GALNT17: variants seen among roughly 807,000 people sequenced by gnomAD.
GALNT17 encodes the protein UDP-GalNAc:polypeptide N-acetylgalactosaminyltransferase-like 3.
GALNT17 carries 29 observed loss-of-function variants against 63.7 expected under a neutral mutation model. The ratio of observed to expected loss-of-function variants is 0.46; its 90% CI spans 0.34 to 0.62. GALNT17 has a LOEUF of 0.62. Among genes scored for constraint, GALNT17 ranks in the 20% least tolerant of loss-of-function variants. The pLI, the probability that GALNT17 is intolerant of heterozygous loss-of-function variation, is 0.01. For missense variants in GALNT17, 603 were observed against 799.6 expected, an observed-to-expected ratio of 0.75 and a Z score of 2.97; for synonymous variants, 305 against 318.3, an observed-to-expected ratio of 0.96 and a Z score of 0.45.
At chr7:71,669,469 C>T (rs755971353) in intron 7 of GALNT17, among the ~76,000 whole-genome samples, 3 of 151,930 alleles carry the variant, frequency 2.0e-5, no homozygotes, top group Non-Finnish European at 2.9e-5. Context: ...TGAGATCGTG[C>T]CACTGCATTC....
intron 1 of GALNT17, among the ~76,000 whole-genome samples, chr7:71,190,695 G>C (rs1045988098): frequency 6.6e-6 from 1 of 152,126 alleles, no homozygotes; most frequent in Non-Finnish European, 1.5e-5. Context: ...GCAGTGGTGT[G>C]ATCATGGTTC....
chr7:71,602,595 T>C (rs1461044506), intron 6 of GALNT17, among the ~76,000 whole-genome samples: 1 of 152,176 alleles, frequency 6.6e-6, no homozygotes, highest in African/African-American at 2.4e-5. Flanking sequence ...CTGCACCCTC[T>C]CTCTCTCTCC....
At chr7:71,211,804 T>C (rs988908604) in intron 1 of GALNT17, among the ~76,000 whole-genome samples, 2 of 152,160 alleles carry the variant, frequency 1.3e-5, no homozygotes, top group African/African-American at 2.4e-5. Context: ...GCCCTCAAGA[T>C]ATGTGGAACT....
intron 3 of GALNT17, among the ~76,000 whole-genome samples, chr7:71,400,811 A>G (rs570311939): frequency 3.3e-5 from 5 of 152,324 alleles, no homozygotes; most frequent in Non-Finnish European, 5.9e-5. Context: ...TATAAAGAGG[A>G]GGCAGGAGTC....
intron 3 of GALNT17, among the ~76,000 whole-genome samples, chr7:71,392,221 A>G (rs754552135): frequency 2.0e-5 from 3 of 152,176 alleles, no homozygotes; most frequent in African/African-American, 4.8e-5. Flanking sequence ...CAAGAGTGCA[A>G]GTAGTTTATT....
chr7:71,407,376 A>G (rs1349735033), intron 3 of GALNT17, among the ~76,000 whole-genome samples: 3 of 152,176 alleles, frequency 2.0e-5, no homozygotes, highest in Admixed American at 6.5e-5. Flanking sequence ...CAGTCCATCA[A>G]TTACCAGCAT....
intron 1 of GALNT17, among the ~76,000 whole-genome samples, chr7:71,183,054 G>A (rs1025524221): frequency 2.0e-5 from 3 of 152,170 alleles, no homozygotes; most frequent in Admixed American, 6.6e-5. Context: ...GCGGAGTTTT[G>A]TGATTCTTTG....
chr7:71,526,325 A>G (rs1421289681), intron 5 of GALNT17, among the ~76,000 whole-genome samples: 2 of 152,022 alleles, frequency 1.3e-5, no homozygotes, highest in Admixed American at 1.3e-4. Context: ...TCCAGAATCC[A>G]CAGCCAATTC....
intron 9 of GALNT17, among the ~76,000 whole-genome samples, chr7:71,701,828 CACATATATATATGTGTATATATATAT>C (rs1791643712): frequency 0.035 from 350 of 9,918 alleles, 8 homozygotes; most frequent in East Asian, 0.3. Context: ...CATATATATA[CACATATATATATGTGTATATATATAT>C]ACACATATAT....
intron 4 of GALNT17, among the ~76,000 whole-genome samples, chr7:71,417,887 T>G (rs1786568597): frequency 6.6e-6 from 1 of 152,200 alleles, no homozygotes; most frequent in Admixed American, 6.5e-5. Flanking sequence ...CAGCCAGTTT[T>G]GTCTGCCATT....
chr7:71,629,118 A>G (rs897435318), intron 6 of GALNT17, among the ~76,000 whole-genome samples: 3 of 152,076 alleles, frequency 2.0e-5, no homozygotes, highest in East Asian at 3.9e-4. Context: ...AGAAGGAAAG[A>G]TTGTTTCAGA....
intron 6 of GALNT17, among the ~76,000 whole-genome samples, chr7:71,596,513 G>C (rs1789889316): frequency 6.6e-6 from 1 of 152,030 alleles, no homozygotes; most frequent in Non-Finnish European, 1.5e-5. Flanking sequence ...ACTGCCTTAG[G>C]AGAAGTCAGG....
chr7:71,360,023 A>G (rs1027123582), intron 2 of GALNT17, among the ~76,000 whole-genome samples: 2 of 152,166 alleles, frequency 1.3e-5, no homozygotes, highest in African/African-American at 4.8e-5. Context: ...ATCAGTGTAG[A>G]CAGCTACATT....
chr7:71,363,130 C>A (rs1792437838), intron 2 of GALNT17, among the ~76,000 whole-genome samples: 2 of 152,004 alleles, frequency 1.3e-5, no homozygotes, highest in African/African-American at 4.8e-5. Flanking sequence ...CGATGCCTGG[C>A]TAATTTTTGT....
At chr7:71,277,097 C>T (rs967816121) in intron 1 of GALNT17, among the ~76,000 whole-genome samples, 2 of 152,146 alleles carry the variant, frequency 1.3e-5, no homozygotes, top group East Asian at 3.8e-4. Flanking sequence ...CCTAAGTGTG[C>T]ATCAGTGGTG....
At position 71,450,931 on chromosome 7, in the gene GALNT17, CTT is replaced by C. The variant is rs5884839; in HGVS notation, c.962+29837_962+29838del. On this transcript the variant is annotated intron_variant, in intron 5 of 10. Coordinates refer to ENST00000333538, the MANE Select transcript of GALNT17 (RefSeq NM_022479.3). Reference sequence around the variant, plus strand: ...GCATGGCGTTTTTCTTTTTTTTATTCTTTTTTTTTTTTATTATACTCTAAGTT... The same window carrying C: ...GCATGGCGTTTTTCTTTTTTTTATTCTTTTTTTTTTATTATACTCTAAGTT... Among the ~76,000 whole-genome samples the C allele has an allele frequency of 8.7e-3, 1,278 of 147,358 alleles. 13 individuals carry two copies. Among genetic ancestry groups the C allele is most frequent in the African/African-American group, 0.028 (1,108 of 40,268 alleles).
chr7:71,258,995 A>G (rs1459813183), intron 1 of GALNT17, among the ~76,000 whole-genome samples: 1 of 152,118 alleles, frequency 6.6e-6, no homozygotes, highest in Non-Finnish European at 1.5e-5. Flanking sequence ...GTATGTGTAT[A>G]TGGGGGATGA....
chr7:71,395,814 G>A (rs894331541), intron 3 of GALNT17, among the ~76,000 whole-genome samples: 1 of 152,218 alleles, frequency 6.6e-6, no homozygotes, highest in East Asian at 1.9e-4. Flanking sequence ...GTGGTATCTT[G>A]TAGTTTGGAT....
At chr7:71,533,601 C>A (rs966766936) in intron 5 of GALNT17, among the ~76,000 whole-genome samples, 1 of 152,118 alleles carries the variant, frequency 6.6e-6, no homozygotes, top group Non-Finnish European at 1.5e-5. Context: ...TGGAATAAGG[C>A]GGCATTATCT....
Sources: gnomAD v4.1 joint callset for allele counts (sites outside exome capture counted in the v4.1 genomes callset) on GRCh38, gnomAD v4.1.1 for gene constraint, MANE v1.5 for transcripts, NCBI Gene and HGNC (gene_info 2026-07-23, HGNC 2026-07-21) for gene names.